The following LINGO1 variants were observed in gnomAD, a reference collection of about 807,000 sequenced individuals.
LINGO1 encodes the protein leucine rich repeat and Ig domain containing 1, also known as leucine-rich repeat and immunoglobulin-like domain-containing nogo receptor-interacting protein 1.
A neutral mutation model predicts 37.3 loss-of-function variants in LINGO1; 11 were observed. The ratio of observed to expected loss-of-function variants is 0.29; its 90% confidence interval spans 0.19 to 0.49. The LOEUF is 0.49. LINGO1 is among the 20% of genes least tolerant of loss of function. LINGO1 has a pLI of 0.99. For synonymous variants in LINGO1, 387 were observed against 403.0 expected, an observed-to-expected ratio of 0.96 and a Z score of 0.48; for missense variants, 585 against 878.2, an observed-to-expected ratio of 0.67 and a Z score of 4.22.
Position 77,748,544 on chromosome 15 carries a change from G to T in LINGO1, c.-256-13491C>A, listed in dbSNP as rs2076337695. 4.6e-5 allele frequency among the ~76,000 whole-genome samples: 7 copies of T among 152,316 alleles called. No homozygotes were observed. The South Asian group carries it at 1.5e-3, about 32-fold the overall frequency. On this transcript the variant is annotated intron_variant, in intron 1 of 3. Coordinates refer to the LINGO1 transcript ENST00000561686. ...CCCTGCAGAGCCCAGGAACCCTGAG[G>T]TGGCCCCAGCATAGTGGGCAGGACC...
In LINGO1 at chr15:77,769,761, C is replaced by A. The variant is rs570323128; in HGVS notation, c.-257+17108G>T. Reference sequence around the variant, plus strand: ...ACCCCACCCCATGGACAGAGGCATTCCCTGGAAAAGGAGACGGGGAGGGAG... The same window carrying A: ...ACCCCACCCCATGGACAGAGGCATTACCTGGAAAAGGAGACGGGGAGGGAG... On this transcript the variant is annotated intron_variant, in intron 1 of 3. Transcript: ENST00000561686. 5.9e-5 allele frequency among the ~76,000 whole-genome samples: 9 copies of A among 152,264 alleles called. No individual in the cohort carries two copies. The East Asian group carries it at 1.7e-3, about 29-fold the overall frequency.
chr15:77,792,390 T>C (rs2076825237), intron 2 of LINGO1, among the ~76,000 whole-genome samples: 1 of 152,232 alleles, frequency 6.6e-6, no homozygotes, highest in Admixed American at 6.5e-5. Flanking sequence ...CTACAGTCCT[T>C]TCTCCAGTAG....
intron 2 of LINGO1, among the ~76,000 whole-genome samples, chr15:77,680,769 G>A (rs1010289505): frequency 1.3e-5 from 2 of 152,148 alleles, no homozygotes; most frequent in African/African-American, 4.8e-5. Flanking sequence ...AAGGCTCTGG[G>A]ACCCCCAACT....
intron 2 of LINGO1, among the ~76,000 whole-genome samples, chr15:77,680,636 G>C (rs1391508627): frequency 6.6e-6 from 1 of 152,262 alleles, no homozygotes; most frequent in East Asian, 1.9e-4. Context: ...GAGGCAGGTA[G>C]TGGCATCTCC....
chr15:77,739,047 G>T (rs1017786676), intron 1 of LINGO1, among the ~76,000 whole-genome samples: 1 of 152,230 alleles, frequency 6.6e-6, no homozygotes, highest in African/African-American at 2.4e-5. Context: ...GGGATAACAG[G>T]CCCAGCAGCC....
chr15:77,678,459 C>T (rs546537910), intron 2 of LINGO1, among the ~76,000 whole-genome samples: 6 of 152,298 alleles, frequency 3.9e-5, no homozygotes, highest in Non-Finnish European at 7.3e-5. Flanking sequence ...TTTCGTTCAC[C>T]CAGCATAATG....
At chr15:77,777,395 C>T (rs963189862) in intron 1 of LINGO1, among the ~76,000 whole-genome samples, 2 of 150,752 alleles carry the variant, frequency 1.3e-5, no homozygotes, top group African/African-American at 4.9e-5. Flanking sequence ...ACACACCACA[C>T]ACACATATGG....
chr15:77,772,079 C>T (rs948613096), intron 1 of LINGO1, among the ~76,000 whole-genome samples: 1 of 152,212 alleles, frequency 6.6e-6, no homozygotes, highest in African/African-American at 2.4e-5. Flanking sequence ...CAAATAGTAC[C>T]CTCCATACAG....
rs149106524 is a variant in LINGO1, at chr15:77,731,825, C to A, written c.-195+3167G>T. 1.6e-4 allele frequency among the ~76,000 whole-genome samples: 24 copies of A among 152,326 alleles called. No homozygotes were observed. The East Asian group carries it at 4.4e-3, about 28-fold the overall frequency. On this transcript the variant is annotated intron_variant, in intron 2 of 3. Coordinates refer to the LINGO1 transcript ENST00000561686. The stretch of plus-strand genomic sequence containing the variant: ...GGGACAAGCTCTCTCCAGCTGCACA[C>A]CCAGCTCCCTCCTGTCCAGCACTAT...
intron 2 of LINGO1, among the ~76,000 whole-genome samples, chr15:77,679,605 G>A (rs1372572481): frequency 6.6e-6 from 1 of 152,214 alleles, no homozygotes; most frequent in African/African-American, 2.4e-5. Flanking sequence ...CTGACATAGA[G>A]AGAGGCAACT....
chr15:77,732,896 A>G (rs1248429557), intron 2 of LINGO1, among the ~76,000 whole-genome samples: 2 of 152,202 alleles, frequency 1.3e-5, no homozygotes, highest in Non-Finnish European at 2.9e-5. Flanking sequence ...AGTCATAAAT[A>G]ATCGAAGGTG....
chr15:77,614,143 G>A lies in LINGO1; in HGVS notation c.1764C>T (p.Asn588=), dbSNP rs1405222535. Reference sequence around the variant, plus strand: ...ACTCGATCTCGATGTTGTGCTTTGTGTTGCCCTTGCCCCGGCTCCAGAGAA... The same window carrying A: ...ACTCGATCTCGATGTTGTGCTTTGTATTGCCCTTGCCCCGGCTCCAGAGAA... The part of the protein sequence containing the change: ...LLFLWSRGKG[N]TKHNIEIEYV... Residue 588 remains asparagine (N), a synonymous_variant, in exon 2 of 2, where the codon AAC becomes AAT. Transcript: ENST00000355300. 6.2e-7 allele frequency: 1 copy of A among 1,614,042 alleles called. No individual in the cohort carries two copies. Among genetic ancestry groups the A allele is most frequent in the South Asian group, 1.1e-5 (1 of 91,080 alleles).
rs771363937 is a variant in LINGO1 at position 77,683,582 on chromosome 15, T to C, written c.-98-6408A>G. ...CCATGACATTGACTGATGCCCACAA[T>C]ATACTGGGAAGTGAAAAATGGAACT... On this transcript the variant is annotated intron_variant, in intron 2 of 3. Transcript: ENST00000559893. 1.4e-4 allele frequency among the ~76,000 whole-genome samples: 21 copies of C among 152,230 alleles called. 1 individual carries two copies. The highest frequency in any genetic ancestry group is 2.6e-4 in the Admixed American group (4 of 15,294).
Position 77,664,170 on chromosome 15 carries a change from T to TGCGC in LINGO1, c.-13+12915_-13+12918dup, listed in dbSNP as rs143405934. The stretch of plus-strand genomic sequence containing the variant: ...GTGTGTGTGTGTGTGTGTGTGTGTG[T>TGCGC]GCGCGCGCGCATGCGTTTGCATTCT... On this transcript the variant is annotated intron_variant, in intron 3 of 3. Transcript: ENST00000559893. Among the ~76,000 whole-genome samples the TGCGC allele has an allele frequency of 9.6e-3, 1,255 of 130,912 alleles. 10 individuals carry two copies. The highest frequency in any genetic ancestry group is 0.019 in the Admixed American group (271 of 14,064). The allele number at this position is 130,912 out of a possible 152,430, so 85.9% of individuals were successfully genotyped here. A position where few individuals can be genotyped will look rare whatever the true frequency, so the allele number is the denominator to read the frequency against.
rs767527970 is a variant in LINGO1 at position 77,614,300 on chromosome 15, G to C, written c.1607C>G (p.Pro536Arg). The C allele has an allele frequency of 6.2e-7, 1 of 1,614,022 alleles. No homozygotes were observed. The highest frequency in any genetic ancestry group is 1.1e-5 in the South Asian group (1 of 91,088). ...GGTGCTGTTGGCCTCTCCCTCGCCC[G>C]GCTGGTTGGAGATGAAAGCGAAGGT... ...NKTFAFISNQ[P>R]GEGEANSTRA... Residue 536 changes from proline to arginine, a missense_variant, in exon 2 of 2, where the codon CCG (proline) becomes CGG (arginine). By Grantham distance (103) the Pro-to-Arg change is moderately radical (BLOSUM62 -2). Coordinates refer to ENST00000355300, the MANE Select transcript of LINGO1 (RefSeq NM_032808.7).
intron 2 of LINGO1, among the ~76,000 whole-genome samples, chr15:77,726,312 C>T (rs929064040): frequency 6.6e-6 from 1 of 152,232 alleles, no homozygotes; most frequent in African/African-American, 2.4e-5. Flanking sequence ...GCCTGCATCC[C>T]TGCAGTGGGC....
At chr15:77,806,194 C>T (rs988427466) in intron 1 of LINGO1, among the ~76,000 whole-genome samples, 1 of 152,254 alleles carries the variant, frequency 6.6e-6, no homozygotes, top group Non-Finnish European at 1.5e-5. Context: ...GCAATGCTGG[C>T]CCCAGACTCA....
At chr15:77,667,417 G>A (rs2075155703) in intron 3 of LINGO1, among the ~76,000 whole-genome samples, 1 of 152,212 alleles carries the variant, frequency 6.6e-6, no homozygotes, top group African/African-American at 2.4e-5. Flanking sequence ...AGAATAGGGA[G>A]GGGCGAGGGG....
chr15:77,808,076 C>T (rs1451551552), intron 1 of LINGO1, among the ~76,000 whole-genome samples: 1 of 152,106 alleles, frequency 6.6e-6, no homozygotes, highest in Non-Finnish European at 1.5e-5. Context: ...GAGAAGCCCC[C>T]AGCTGCCCCC....
Sources: allele counts gnomAD v4.1 joint callset (sites outside exome capture counted in the v4.1 genomes callset), GRCh38; gene constraint gnomAD v4.1.1; transcripts MANE v1.5; gene names NCBI Gene and HGNC (gene_info 2026-07-23, HGNC 2026-07-21).